Variants in KALRN observed in about 807,000 individuals in gnomAD.
KALRN encodes kalirin.
In KALRN, 70 loss-of-function variants were observed where a neutral mutation model predicts 353.7. That is an observed-to-expected ratio of 0.20 (90% CI 0.16 to 0.24). The LOEUF is 0.24. Ranked by LOEUF, KALRN falls within the 10% of genes least tolerant of loss-of-function variation. The pLI is 1.00. For missense variants in KALRN, 2,791 were observed against 3,756.7 expected (o/e 0.74, Z 6.72); for synonymous variants, 1,391 against 1,434.8 (o/e 0.97, Z 0.69).
chr3:124,218,833 G>T (rs1023221350), intron 1 of KALRN, among the ~76,000 whole-genome samples: 3 of 152,194 alleles, frequency 2.0e-5, no homozygotes, highest in Non-Finnish European at 4.4e-5. Context: ...GCTTAGAGAG[G>T]CGTTACCCAT....
chr3:124,447,824 T>G (rs1230359132), intron 21 of KALRN, among the ~76,000 whole-genome samples: 1 of 152,218 alleles, frequency 6.6e-6, no homozygotes, highest in Non-Finnish European at 1.5e-5. Flanking sequence ...ACTCTCAATA[T>G]TGGGGAGCCT....
rs574290859 is a variant in KALRN at position 124,461,906 on chromosome 3, C to T, written c.3871C>T (p.Leu1291=). 1.9e-6 allele frequency: 3 copies of T among 1,613,058 alleles called. No homozygotes were observed. In the African/African-American group the frequency reaches 4.0e-5, roughly 22 times the overall value. Residue 1291 remains leucine, a synonymous_variant, in exon 24 of 60, where the codon CTA becomes TTA. Coordinates refer to ENST00000682506, the MANE Select transcript of KALRN (RefSeq NM_001388419.1). ...TCCTTCTAGATTTATTATGGCTGAA[C>T]TACTCCAGACAGAGAAGGCTTATGT... ...ARKKEFIMAE[L]LQTEKAYVRD... is the part of the protein sequence containing the mutation.
At position 124,436,906 on chromosome 3, in the gene KALRN, A is replaced by T. The variant is rs549992866; in HGVS notation, c.3049-1982A>T. Among the ~76,000 whole-genome samples the T allele has an allele frequency of 2.1e-5, 3 of 146,046 alleles. No homozygotes were observed. The South Asian group carries it at 6.9e-4, about 34-fold the overall frequency. The stretch of plus-strand genomic sequence containing the variant: ...CTTCTCATGTGATGCTAGAGATGGG[A>T]CTAGGGAAGTCACCTCAAGTTTGGT... On this transcript the variant is annotated intron_variant, in intron 17 of 59. Transcript: ENST00000682506.
Position 124,723,891 on chromosome 3 carries a change from G to T in KALRN, c.*4421G>T, listed in dbSNP as rs34410053. ...ACTTTCTTCACTTGGGAGGGCAGAA[G>T]TGAGAAGAAAATATCTTCTCATACC... is the stretch of plus-strand genomic sequence containing the variant. On this transcript the variant is annotated 3_prime_UTR_variant, in exon 60 of 60. Coordinates refer to ENST00000682506, the MANE Select transcript of KALRN (RefSeq NM_001388419.1). 0.34 allele frequency: 52,384 copies of T among 152,100 alleles called. 9,671 individuals carry two copies. The highest frequency in any genetic ancestry group is 0.49 in the Middle Eastern group (143 of 294). The allele number at this position is 152,100 out of a possible 1,614,324, so 9.4% of individuals were successfully genotyped here.
Position 124,719,607 on chromosome 3 carries a change from G to A in KALRN, c.*137G>A, listed in dbSNP as rs1364609572. ...TTGAGAGATGTACCTCTTAAACCTC[G>A]TCAGTGGTTATTCAGGGTCTGAGCA... On this transcript the variant is annotated 3_prime_UTR_variant, in exon 60 of 60. Coordinates refer to ENST00000682506, the MANE Select transcript of KALRN (RefSeq NM_001388419.1). The surrounding 1 kb of genome is among the most constrained non-coding windows in gnomAD (Gnocchi z 5.3). The A allele has an allele frequency of 1.3e-5, 11 of 818,742 alleles. No individual in the cohort carries two copies. Among genetic ancestry groups the A allele is most frequent in the South Asian group, 7.4e-5 (4 of 54,032 alleles). The allele number at this position is 818,742 out of a possible 1,614,324, so 50.7% of individuals were successfully genotyped here.
chr3:124,679,207 A>G (rs1263431611), intron 50 of KALRN, among the ~76,000 whole-genome samples: 1 of 152,226 alleles, frequency 6.6e-6, no homozygotes, highest in Non-Finnish European at 1.5e-5. Flanking sequence ...GACAACACTC[A>G]TGCTTCATTT....
At chr3:124,292,721 G>A (rs1294552421) in intron 5 of KALRN, among the ~76,000 whole-genome samples, 1 of 152,152 alleles carries the variant, frequency 6.6e-6, no homozygotes, top group Non-Finnish European at 1.5e-5. Context: ...CCCATTTACT[G>A]CAATCTTAAA....
At chr3:124,706,197 G>A (rs963981713) in intron 57 of KALRN, among the ~76,000 whole-genome samples, 8 of 152,140 alleles carry the variant, frequency 5.3e-5, no homozygotes, top group African/African-American at 9.7e-5. Context: ...ATAATCCACC[G>A]TGCCTGGCCT....
chr3:124,531,843 A>G (rs1224265230), intron 33 of KALRN, among the ~76,000 whole-genome samples: 2 of 152,152 alleles, frequency 1.3e-5, no homozygotes, highest in Non-Finnish European at 2.9e-5. Context: ...CTCAAACCAT[A>G]TCAGTCCTAC....
At position 124,455,299 on chromosome 3, in the gene KALRN, C is replaced by T; in HGVS notation, c.3675C>T (p.Phe1225=). 2 of 1,614,176 alleles carry T rather than the reference C, an allele frequency of 1.2e-6. No homozygotes were observed. The highest frequency in any genetic ancestry group is 1.1e-5 in the South Asian group (1 of 91,086). Residue 1225 remains phenylalanine, a synonymous_variant, in exon 22 of 60, where the codon TTC becomes TTT. Transcript: ENST00000682506. ...VTTVDKHYRD[F]SLRMGKYRYS... ...CGGTGGACAAGCACTACAGAGATTT[C>T]TCCCTGAGGATGGGAAAGTACCGAT...
chr3:124,318,821 G>T (rs1361786609), intron 6 of KALRN, among the ~76,000 whole-genome samples: 1 of 152,172 alleles, frequency 6.6e-6, no homozygotes. Flanking sequence ...AAATCAAGAT[G>T]CTGGGGCTCT....
intron 34 of KALRN, among the ~76,000 whole-genome samples, chr3:124,630,623 A>G (rs925632688): frequency 3.9e-5 from 6 of 152,114 alleles, no homozygotes; most frequent in East Asian, 1.9e-4. Context: ...CCTTGCCCCT[A>G]TGAGCTGTAT....
At chr3:124,342,309 C>T (rs1202727711) in intron 9 of KALRN, among the ~76,000 whole-genome samples, 3 of 152,152 alleles carry the variant, frequency 2.0e-5, no homozygotes, top group Admixed American at 6.5e-5. Context: ...TCTCATCACC[C>T]AGCCCCTTCT....
intron 1 of KALRN, among the ~76,000 whole-genome samples, chr3:124,114,145 T>C (rs566867256): frequency 2.0e-4 from 30 of 152,306 alleles, no homozygotes; most frequent in African/African-American, 5.8e-4. Flanking sequence ...AGAACAGTTA[T>C]GTAGAGGTAG....
At chr3:124,372,391 A>G (rs2085956995) in intron 10 of KALRN, among the ~76,000 whole-genome samples, 1 of 152,090 alleles carries the variant, frequency 6.6e-6, no homozygotes, top group South Asian at 2.1e-4. Flanking sequence ...CAGAATACTA[A>G]GATTGTTTTG....
intron 33 of KALRN, among the ~76,000 whole-genome samples, chr3:124,541,534 A>T (rs1004862825): frequency 1.3e-5 from 2 of 152,074 alleles, no homozygotes; most frequent in Non-Finnish European, 2.9e-5. Context: ...CTAATTTTAC[A>T]TCAGTCCTAC....
intron 37 of KALRN, among the ~76,000 whole-genome samples, chr3:124,647,255 C>T (rs1054582401): frequency 6.6e-6 from 1 of 152,050 alleles, no homozygotes; most frequent in Non-Finnish European, 1.5e-5. Context: ...ATGATCTGAT[C>T]CCTGCAAACT....
At chr3:124,195,037 G>A (rs2075293997) in intron 1 of KALRN, among the ~76,000 whole-genome samples, 1 of 152,096 alleles carries the variant, frequency 6.6e-6, no homozygotes, top group Admixed American at 6.6e-5. Flanking sequence ...TTATAGGCCT[G>A]GTACAAGTGT....
intron 54 of KALRN, 61 bp downstream of exon 54, chr3:124,696,316 G>A: frequency 2.0e-6 from 3 of 1,520,098 alleles, no homozygotes; most frequent in Non-Finnish European, 2.7e-6. Flanking sequence ...ACAGGTTCTT[G>A]CTCTGCTGCC....
Sources: allele counts gnomAD v4.1 joint callset (sites outside exome capture counted in the v4.1 genomes callset), GRCh38; gene constraint gnomAD v4.1.1; non-coding constraint Gnocchi (gnomAD v3.1); transcripts MANE v1.5; gene names NCBI Gene and HGNC (gene_info 2026-07-23, HGNC 2026-07-21).